The following SLC25A16 variants were observed in gnomAD, a reference collection of about 807,000 sequenced individuals.
SLC25A16 encodes solute carrier family 25 member 16, also known as mitochondrial coenzyme A transporter SLC25A16.
A neutral mutation model predicts 41.5 loss-of-function variants in SLC25A16; 39 were observed. The ratio of observed to expected loss-of-function variants is 0.94; its 90% CI spans 0.73 to 1.23. SLC25A16 has a LOEUF of 1.23. Ranked by LOEUF, SLC25A16 falls within the 50% of genes most tolerant of loss-of-function variation. The pLI is 0.00. For missense variants in SLC25A16, 421 were observed against 426.9 expected (o/e 0.99, Z 0.12); for synonymous variants, 146 against 147.8 (o/e 0.99, Z 0.09).
At chr10:68,486,398 A>C (rs952597988) in intron 8 of SLC25A16, among the ~76,000 whole-genome samples, 22 of 151,608 alleles carry the variant, frequency 1.5e-4, no homozygotes, top group Admixed American at 7.2e-4. Flanking sequence ...ACTAGCCTAA[A>C]TTTAATATTT....
intron 1 of SLC25A16, among the ~76,000 whole-genome samples, chr10:68,521,750 C>A (rs1428494673): frequency 1.3e-5 from 2 of 148,304 alleles, no homozygotes; most frequent in Middle Eastern, 3.4e-3. Context: ...CCCGCCACTA[C>A]GCCCGGCTAA....
rs1202016874 is a variant in SLC25A16, at chr10:68,478,639, A to T, written c.*4793T>A. The T allele has an allele frequency of 6.6e-6, 1 of 151,926 alleles. No homozygotes were observed. Among genetic ancestry groups the T allele is most frequent in the Non-Finnish European group, 1.5e-5 (1 of 67,990 alleles). The allele number at this position is 151,926 out of a possible 1,614,324, so 9.4% of individuals were successfully genotyped here. Reference sequence around the variant, plus strand: ...AGTGATCCTCCTCGCTCAGCCTCCCAAAGGGCTAGAATTACAGACATGAGT... The same window carrying T: ...AGTGATCCTCCTCGCTCAGCCTCCCTAAGGGCTAGAATTACAGACATGAGT... On this transcript the variant is annotated 3_prime_UTR_variant, in exon 9 of 9. Coordinates refer to ENST00000609923, the MANE Select transcript of SLC25A16 (RefSeq NM_152707.4).
At chr10:68,486,406 TTTTC>T (rs1330530039) in intron 8 of SLC25A16, among the ~76,000 whole-genome samples, 2 of 151,524 alleles carry the variant, frequency 1.3e-5, no homozygotes, top group Admixed American at 6.6e-5. Flanking sequence ...AAATTTAATA[TTTTC>T]TTTGTTTTTT....
chr10:68,516,208 C>T (rs1052828297), intron 2 of SLC25A16, among the ~76,000 whole-genome samples: 4 of 152,038 alleles, frequency 2.6e-5, no homozygotes, highest in Admixed American at 1.3e-4. Context: ...GAAAGTACAC[C>T]GAACAAAGGA....
At chr10:68,524,665 G>A (rs558401552) in intron 1 of SLC25A16, among the ~76,000 whole-genome samples, 61 of 142,446 alleles carry the variant, frequency 4.3e-4, no homozygotes, top group African/African-American at 1.5e-3. Flanking sequence ...CCGAGATTGC[G>A]CCACTGCACT....
At position 68,527,217 on chromosome 10, in the gene SLC25A16, G is replaced by A. The variant is rs756000338; in HGVS notation, c.130+29C>T. The A allele has an allele frequency of 8.4e-6, 13 of 1,542,862 alleles. No individual in the cohort carries two copies. In the South Asian group the frequency reaches 1.4e-4, roughly 17 times the overall value. ...CAGTCCTGCCCCCGCCACTCAGAGC[G>A]CGGCTGGCTCTTCGTGGCATGGACC... is the stretch of plus-strand genomic sequence containing the variant. On this transcript the variant is annotated intron_variant, in intron 1 of 8. Transcript: ENST00000609923.
Position 68,499,563 on chromosome 10 carries a change from G to A in SLC25A16, c.421+4069C>T, listed in dbSNP as rs546984193. 1.3e-4 allele frequency: 31 copies of A among 243,488 alleles called. No homozygotes were observed. The South Asian group carries it at 1.5e-3, about 12-fold the overall frequency. The allele number at this position is 243,488 out of a possible 1,614,324, so 15.1% of individuals were successfully genotyped here. ...TTCAATCCCTTTGTGACTTCCAACC[G>A]AGGCAAGAAACGCAAAAGGCGTTTC... On this transcript the variant is annotated intron_variant, in intron 4 of 8. Coordinates refer to ENST00000609923, the MANE Select transcript of SLC25A16 (RefSeq NM_152707.4).
intron 1 of SLC25A16, among the ~76,000 whole-genome samples, chr10:68,526,073 C>G (rs2133612827): frequency 6.6e-6 from 1 of 152,006 alleles, no homozygotes; most frequent in Admixed American, 6.6e-5. Flanking sequence ...GAACGTCCCC[C>G]AGCCCGACAC....
At chr10:68,495,619 A>G (rs1021360220) in intron 4 of SLC25A16, among the ~76,000 whole-genome samples, 1 of 151,834 alleles carries the variant, frequency 6.6e-6, no homozygotes, top group Non-Finnish European at 1.5e-5. Context: ...CCCTGTCTCT[A>G]CTAAAAACAC....
chr10:68,523,877 T>C (rs1029388764), intron 1 of SLC25A16, among the ~76,000 whole-genome samples: 1 of 152,134 alleles, frequency 6.6e-6, no homozygotes, highest in Non-Finnish European at 1.5e-5. Flanking sequence ...GGTGAGCAGA[T>C]TGCTTGAGGC....
At chr10:68,495,938 T>C (rs191369369) in intron 4 of SLC25A16, among the ~76,000 whole-genome samples, 221 of 152,192 alleles carry the variant, frequency 1.5e-3, no homozygotes, top group Non-Finnish European at 2.9e-3. Flanking sequence ...TCATAATAAG[T>C]GGGTACCCAA....
intron 6 of SLC25A16, among the ~76,000 whole-genome samples, chr10:68,490,013 C>T (rs2052630282): frequency 6.6e-6 from 1 of 151,630 alleles, no homozygotes. Context: ...GTAATCCTAA[C>T]ACTTATGGAG....
At chr10:68,515,463 T>C (rs528055260) in intron 2 of SLC25A16, among the ~76,000 whole-genome samples, 20 of 152,184 alleles carry the variant, frequency 1.3e-4, no homozygotes, top group African/African-American at 4.3e-4. Flanking sequence ...ATTTCAGTTT[T>C]GCATTTTTAA....
At chr10:68,487,858 TCTC>T (rs2052590409) in intron 7 of SLC25A16, among the ~76,000 whole-genome samples, 1 of 147,582 alleles carries the variant, frequency 6.8e-6, no homozygotes, top group African/African-American at 2.7e-5. Context: ...AAATGCAATC[TCTC>T]TTTTTTTTTT....
chr10:68,487,271 T>C (rs571840867), intron 7 of SLC25A16, 59 bp from the exon 8 acceptor site: 28 of 1,178,032 alleles, frequency 2.4e-5, no homozygotes, highest in Middle Eastern at 2.0e-4. Flanking sequence ...TCAACAACTA[T>C]TGAATACAAA....
intron 1 of SLC25A16, among the ~76,000 whole-genome samples, chr10:68,521,199 G>A (rs2053244393): frequency 6.6e-6 from 1 of 151,956 alleles, no homozygotes; most frequent in African/African-American, 2.4e-5. Context: ...ACAAGGCAGT[G>A]GGGATACAAA....
At chr10:68,484,425 T>C (rs2052526467) in intron 8 of SLC25A16, among the ~76,000 whole-genome samples, 2 of 78,588 alleles carry the variant, frequency 2.5e-5, no homozygotes, top group Admixed American at 2.8e-4. Flanking sequence ...TTCAAAAATC[T>C]TTTTTTTTTT....
chr10:68,517,538 A>T (rs1293699404), intron 1 of SLC25A16: 1 of 152,212 alleles, frequency 6.6e-6, no homozygotes, highest in Non-Finnish European at 1.5e-5. Flanking sequence ...TTTTATAAAA[A>T]GGTGAATAAC....
chr10:68,492,302 G>A (rs1357891700), intron 6 of SLC25A16, among the ~76,000 whole-genome samples: 1 of 151,978 alleles, frequency 6.6e-6, no homozygotes, highest in African/African-American at 2.4e-5. Context: ...AACTCCTTCG[G>A]GTCTAGTCAT....
Sources: gnomAD v4.1 joint callset for allele counts (sites outside exome capture counted in the v4.1 genomes callset) on GRCh38, gnomAD v4.1.1 for gene constraint, MANE v1.5 for transcripts, NCBI Gene and HGNC (gene_info 2026-07-23, HGNC 2026-07-21) for gene names.